RARA: variants seen among roughly 807,000 people sequenced by gnomAD.
RARA encodes the protein retinoic acid receptor alpha.
Under a neutral mutation model 42.8 loss-of-function variants are expected in RARA, and 5 were observed. The observed-to-expected ratio is 0.12, with a 90% CI of 0.06 to 0.25. RARA has a LOEUF of 0.25. Among genes scored for constraint, RARA ranks in the 10% least tolerant of loss-of-function variants. The pLI is 1.00. For synonymous variants in RARA, 256 were observed against 259.5 expected, an observed-to-expected ratio of 0.99 and a Z score of 0.13; for missense variants, 402 against 628.7, an observed-to-expected ratio of 0.64 and a Z score of 3.86.
In RARA at chr17:40,351,534, G is replaced by C. The variant is rs900101269; in HGVS notation, c.470-376G>C. 2.1e-5 allele frequency: 10 copies of C among 472,258 alleles called. No individual in the cohort carries two copies. Among genetic ancestry groups the C allele is most frequent in the African/African-American group, 1.8e-4 (9 of 50,140 alleles). 29.3% of individuals were successfully genotyped at this position (472,258 alleles called of 1,614,324 possible). ...GAGACTGCAGCTGGGAGGGCTGGGT[G>C]AGTGGAGGCGGGAGAAGGACCTTCC... On this transcript the variant is annotated intron_variant, in intron 4 of 8. Coordinates refer to ENST00000254066, the MANE Select transcript of RARA (RefSeq NM_000964.4). The surrounding 1 kb of genome is among the most constrained non-coding windows in gnomAD (Gnocchi z 4.1).
At chr17:40,314,538 T>C (rs1448657632) in intron 1 of RARA, among the ~76,000 whole-genome samples, 1 of 85,660 alleles carries the variant, frequency 1.2e-5, no homozygotes, top group Non-Finnish European at 2.2e-5. Context: ...CAAAACTTGT[T>C]GGCACTGGAG....
At chr17:40,336,643 C>T (rs1313508313) in intron 2 of RARA, among the ~76,000 whole-genome samples, 1 of 151,002 alleles carries the variant, frequency 6.6e-6, no homozygotes, top group Non-Finnish European at 1.5e-5. Flanking sequence ...CTGCCTCGGC[C>T]TCCCAAAGTG....
intron 1 of RARA, among the ~76,000 whole-genome samples, chr17:40,323,701 G>A (rs2033456477): frequency 7.0e-6 from 1 of 143,490 alleles, no homozygotes; most frequent in Admixed American, 6.9e-5. Flanking sequence ...AGCCCCAACT[G>A]AGTAGGCGGG....
chr17:40,347,159 C>T (rs2034294417), intron 2 of RARA, among the ~76,000 whole-genome samples: 1 of 152,150 alleles, frequency 6.6e-6, no homozygotes, highest in African/African-American at 2.4e-5. Flanking sequence ...CAGCCAGTCT[C>T]ATGTGCCGGA....
At chr17:40,330,384 G>C (rs1224773384) in intron 1 of RARA, among the ~76,000 whole-genome samples, 2 of 152,158 alleles carry the variant, frequency 1.3e-5, no homozygotes, top group Admixed American at 6.5e-5. Context: ...TTGGATCTGG[G>C]GGGGAAGTGG....
chr17:40,353,048 G>T (rs984222134), intron 6 of RARA, among the ~76,000 whole-genome samples: 1 of 152,202 alleles, frequency 6.6e-6, no homozygotes, highest in Non-Finnish European at 1.5e-5. Context: ...GTCAACAGAG[G>T]TTGCAAAACT....
rs992677885 is a variant in RARA, at chr17:40,326,183, C to T, written c.-362-4674C>T. ...TGGGGTGAGGCAAGGGAAAGCAGGC[C>T]GACTGCTGAGGGGCACCAAGGTGGT... On this transcript the variant is annotated intron_variant, in intron 1 of 8. Coordinates refer to ENST00000254066, the MANE Select transcript of RARA (RefSeq NM_000964.4). This position sits in a 1 kb window ranked among gnomAD's most constrained non-coding sequence, Gnocchi z 5.2. Among the ~76,000 whole-genome samples the T allele has an allele frequency of 1.3e-5, 2 of 152,158 alleles. No homozygotes were observed. The highest frequency in any genetic ancestry group is 2.9e-5 in the Non-Finnish European group (2 of 68,020).
chr17:40,328,705 G>A (rs576918092), intron 1 of RARA, among the ~76,000 whole-genome samples: 11 of 152,222 alleles, frequency 7.2e-5, no homozygotes, highest in Admixed American at 3.3e-4. Flanking sequence ...CTTTGTAACC[G>A]GTATAATGTT....
At chr17:40,311,491 C>A (rs758226793) in intron 1 of RARA, among the ~76,000 whole-genome samples, 1 of 152,138 alleles carries the variant, frequency 6.6e-6, no homozygotes, top group East Asian at 1.9e-4. Context: ...GCCAGGCTGA[C>A]CCCCGCCACC....
rs1165497282 is a variant in RARA, at chr17:40,347,956, G to A, written c.179-360G>A. On this transcript the variant is annotated intron_variant, in intron 2 of 8. Transcript: ENST00000254066. ...TCAAGCGTTAACTCCTTCCTAACTC[G>A]GGGGGAGAACGGGGCCAGGCCGCCC... The A allele has an allele frequency of 1.4e-4, 27 of 191,972 alleles. No homozygotes were observed. The East Asian group carries it at 3.1e-3, about 22-fold the overall frequency. 11.9% of individuals were successfully genotyped at this position (191,972 alleles called of 1,614,324 possible). A position where few individuals can be genotyped will look rare whatever the true frequency, so the allele number is the denominator to read the frequency against.
At chr17:40,314,177 T>G (rs563136944) in intron 1 of RARA, among the ~76,000 whole-genome samples, 373 of 9,310 alleles carry the variant, frequency 0.04, no homozygotes, top group Non-Finnish European at 0.048. Context: ...ATATGGCGGG[T>G]GGAGGGGTGG....
chr17:40,334,298 C>T (rs921804745), intron 2 of RARA, among the ~76,000 whole-genome samples: 2 of 152,108 alleles, frequency 1.3e-5, no homozygotes, highest in Non-Finnish European at 1.5e-5. Context: ...AGGCAATGCC[C>T]CCTTCCTGCC....
At chr17:40,341,976 C>T in intron 2 of RARA, 4 of 1,117,498 alleles carry the variant, frequency 3.6e-6, no homozygotes, top group Non-Finnish European at 4.4e-6. Context: ...CCTCCCCCTT[C>T]CCAGGCTGCC....
rs1486995771 is a variant in RARA at position 40,351,484 on chromosome 17, G to C, written c.470-426G>C. 2 of 474,132 alleles carry C rather than the reference G, an allele frequency of 4.2e-6. No individual in the cohort carries two copies. The highest frequency in any genetic ancestry group is 3.1e-5 in the South Asian group (2 of 64,544). 29.4% of individuals were successfully genotyped at this position (474,132 alleles called of 1,614,324 possible). A position where few individuals can be genotyped will look rare whatever the true frequency, so the allele number is the denominator to read the frequency against. The stretch of plus-strand genomic sequence containing the variant: ...CCCCACTTGCCCCAGGAGCTGCTCA[G>C]AGCCAGTCCCAAGGGACCCCCAGGG... On this transcript the variant is annotated intron_variant, in intron 4 of 8. Transcript: ENST00000254066. The surrounding 1 kb of genome is among the most constrained non-coding windows in gnomAD (Gnocchi z 4.1).
At chr17:40,322,091 G>A (rs1374140322) in intron 1 of RARA, among the ~76,000 whole-genome samples, 1 of 152,050 alleles carries the variant, frequency 6.6e-6, no homozygotes, top group Non-Finnish European at 1.5e-5. Context: ...TCAGCTCTGG[G>A]CCAGTGGGGA....
In RARA at chr17:40,354,551, G is replaced by A. The variant is rs1197232924; in HGVS notation, c.1012+45G>A. The A allele has an allele frequency of 1.3e-6, 2 of 1,585,162 alleles. No individual in the cohort carries two copies. The highest frequency in any genetic ancestry group is 1.1e-5 in the South Asian group (1 of 90,174). The stretch of plus-strand genomic sequence containing the variant: ...CTGGGGGCTGGGCTGGGACGGGGGT[G>A]CAGCCCTGGAGTCTCTTCCAGGGAG... On this transcript the variant is annotated intron_variant, in intron 7 of 8. Coordinates refer to ENST00000254066, the MANE Select transcript of RARA (RefSeq NM_000964.4). This position sits in a 1 kb window ranked among gnomAD's most constrained non-coding sequence, Gnocchi z 4.5.
rs961675618 is a variant in RARA, at chr17:40,326,784, G to A, written c.-362-4073G>A. On this transcript the variant is annotated intron_variant, in intron 1 of 8. Coordinates refer to ENST00000254066, the MANE Select transcript of RARA (RefSeq NM_000964.4). This position sits in a 1 kb window ranked among gnomAD's most constrained non-coding sequence, Gnocchi z 5.2. The stretch of plus-strand genomic sequence containing the variant: ...TTGGTACTGGTTTCGATTCTCTGCC[G>A]AGGCCTTCTCCACCCCTGGGGTGTA... Among the ~76,000 whole-genome samples, 6 of 152,098 alleles carry A rather than the reference G, an allele frequency of 3.9e-5. No individual in the cohort carries two copies. The highest frequency in any genetic ancestry group is 1.2e-4 in the African/African-American group (5 of 41,400).
chr17:40,321,701 T>C lies in RARA; in HGVS notation c.-362-9156T>C, dbSNP rs971722371. Among the ~76,000 whole-genome samples, 17 of 152,150 alleles carry C rather than the reference T, an allele frequency of 1.1e-4. 1 individual carries two copies. The highest frequency in any genetic ancestry group is 1.3e-4 in the Non-Finnish European group (9 of 68,024). ...CACCACTGTCAGCCTGGGGAGCCGGTGGGGGGATTAGGCTGCTGCCAGGCT... is the reference window on the plus strand; with the variant it reads ...CACCACTGTCAGCCTGGGGAGCCGGCGGGGGGATTAGGCTGCTGCCAGGCT... On this transcript the variant is annotated intron_variant, in intron 1 of 8. Coordinates refer to ENST00000254066, the MANE Select transcript of RARA (RefSeq NM_000964.4).
chr17:40,331,455 A>G, intron 2 of RARA, 59 bp downstream of exon 2: 1 of 1,551,266 alleles, frequency 6.4e-7, no homozygotes, highest in Non-Finnish European at 8.7e-7. Context: ...CAGGCCTCAG[A>G]GCTTGGGCTC....
Sources: allele counts gnomAD v4.1 joint callset (sites outside exome capture counted in the v4.1 genomes callset), GRCh38; gene constraint gnomAD v4.1.1; non-coding constraint Gnocchi (gnomAD v3.1); transcripts MANE v1.5; gene names NCBI Gene and HGNC (gene_info 2026-07-23, HGNC 2026-07-21).